Variants in PTHLH observed in about 807,000 individuals in gnomAD.
The protein encoded by PTHLH is parathyroid hormone like hormone.
Under a neutral mutation model 18.6 loss-of-function variants are expected in PTHLH, and 5 were observed. The observed-to-expected ratio is 0.27, with a 90% CI of 0.14 to 0.56. The LOEUF is 0.56. Ranked by LOEUF, PTHLH falls within the 20% of genes least tolerant of loss-of-function variation. The pLI, the probability that PTHLH is intolerant of heterozygous loss-of-function variation, is 0.92. For synonymous variants in PTHLH, 90 were observed against 94.0 expected (o/e 0.96, Z 0.25); for missense variants, 207 against 223.9 (o/e 0.92, Z 0.48).
intron 5 of PTHLH, among the ~76,000 whole-genome samples, chr12:27,959,888 G>T (rs920464930): frequency 6.6e-6 from 1 of 152,132 alleles, no homozygotes; most frequent in Non-Finnish European, 1.5e-5. Context: ...TCAATAATCT[G>T]CATTCTTTAC....
intron 5 of PTHLH, 104 bp downstream of exon 5, chr12:27,963,244 T>G: frequency 6.3e-7 from 1 of 1,583,546 alleles, no homozygotes; most frequent in Non-Finnish European, 8.6e-7. Flanking sequence ...TAGAGATACA[T>G]AAAGGGAGAA....
intron 4 of PTHLH, 149 bp from the exon 5 acceptor site, chr12:27,963,919 G>T: frequency 2.6e-6 from 2 of 780,734 alleles, no homozygotes; most frequent in Non-Finnish European, 4.1e-6. Flanking sequence ...GCGCAGGGAA[G>T]GGTAACCAGT....
chr12:27,961,933 G>A, intron 5 of PTHLH: 1 of 726,324 alleles, frequency 1.4e-6, no homozygotes, highest in Non-Finnish European at 2.5e-6. Context: ...GAGATCATTA[G>A]TTGCATATGA....
At chr12:27,963,188 G>A (rs1414937348) in intron 5 of PTHLH, 160 bp downstream of exon 5, 4 of 1,517,084 alleles carry the variant, frequency 2.6e-6, no homozygotes, top group Non-Finnish European at 3.5e-6. Context: ...CTGCTTTAAG[G>A]CAGACAATAT....
chr12:27,960,717 C>CAAA (rs146277675), intron 5 of PTHLH, among the ~76,000 whole-genome samples: 16 of 96,108 alleles, frequency 1.7e-4, no homozygotes, highest in Middle Eastern at 6.3e-3. Context: ...GACTCTGTCT[C>CAAA]AAAAAAAAAA....
intron 5 of PTHLH, among the ~76,000 whole-genome samples, chr12:27,960,462 A>G (rs1385784349): frequency 6.6e-6 from 1 of 152,148 alleles, no homozygotes; most frequent in South Asian, 2.1e-4. Context: ...GTGGTGGTTC[A>G]TGCCTGTAAT....
chr12:27,958,259 T>C lies in PTHLH; in HGVS notation c.*300A>G, dbSNP rs2062727742. ...TTTATCAACATACTTGATATGTATA[T>C]CTAAAGTGCATTATGTTACAAAAAA... On this transcript the variant is annotated 3_prime_UTR_variant, in exon 6 of 6. Transcript: ENST00000545234. The C allele has an allele frequency of 4.1e-6, 1 of 245,836 alleles. No homozygotes were observed. Among genetic ancestry groups the C allele is most frequent in the African/African-American group, 2.2e-5 (1 of 44,780 alleles). 15.2% of individuals were successfully genotyped at this position (245,836 alleles called of 1,614,324 possible).
chr12:27,963,502 T>C lies in PTHLH; in HGVS notation c.370A>G (p.Lys124Glu). 6.2e-7 allele frequency: 1 copy of C among 1,614,220 alleles called. No homozygotes were observed. The highest frequency in any genetic ancestry group is 8.5e-7 in the Non-Finnish European group (1 of 1,180,040). The stretch of plus-strand genomic sequence containing the variant: ...TTCCCGGGCTTGCCTTTCTTTTTCT[T>C]CCCAGGTGTCTTGAGCGGCTGCTCT... The part of the protein sequence containing the change: ...YKEQPLKTPG[K>E]KKKGKPGKRK... The change falls in exon 5 of 6, where the codon AAG (lysine) becomes GAG (glutamate). Residue 124 changes from lysine to glutamate, a missense_variant. Physicochemically the swap from Lys to Glu is moderately conservative, Grantham distance 56. Transcript: ENST00000545234.
At chr12:27,963,854 T>C (rs2062784607) in intron 4 of PTHLH, 84 bp from the exon 5 acceptor site, 7 of 1,383,180 alleles carry the variant, frequency 5.1e-6, no homozygotes, top group Non-Finnish European at 7.0e-6. Context: ...TAAATCTCTT[T>C]AGTTTTCTAG....
chr12:27,970,165 G>T lies in PTHLH; in HGVS notation c.-163C>A, dbSNP rs949640806. The T allele has an allele frequency of 3.1e-5, 16 of 516,790 alleles. No homozygotes were observed. Among genetic ancestry groups the T allele is most frequent in the Admixed American group, 2.7e-4 (14 of 51,516 alleles). The allele number at this position is 516,790 out of a possible 1,614,324, so 32.0% of individuals were successfully genotyped here. A position where few individuals can be genotyped will look rare whatever the true frequency, so the allele number is the denominator to read the frequency against. On this transcript the variant is annotated 5_prime_UTR_variant, in exon 3 of 6. Transcript: ENST00000545234. ...GTGGCAGCCGGAGCGGCAGGGAGGC[G>T]GCAGCCCCGCTTCACGGGCGGGGAG...
chr12:27,970,371 G>T (rs1194313809), intron 2 of PTHLH, 104 bp from the exon 3 acceptor site: 2 of 148,072 alleles, frequency 1.4e-5, no homozygotes, highest in South Asian at 1.8e-4. Context: ...GGGGGGCGGG[G>T]GCGGCGACGG....
In PTHLH at chr12:27,969,468, C is replaced by A; in HGVS notation, c.27G>T (p.Trp9Cys). 6.3e-7 allele frequency: 1 copy of A among 1,590,306 alleles called. No individual in the cohort carries two copies. Among genetic ancestry groups the A allele is most frequent in the East Asian group, 2.3e-5 (1 of 43,588 alleles). The change falls in exon 4 of 6, where the codon TGG becomes TGT. Residue 9 changes from tryptophan (W) to cysteine (C), a missense_variant. Trp to Cys is a radical substitution (Grantham distance 215). Coordinates refer to ENST00000545234, the MANE Select transcript of PTHLH (RefSeq NM_198965.2). MQRRLVQQ[W>C]SVAVFLLSYA... is the part of the protein sequence containing the mutation. ...AGCTCAGCAGGAACACCGCGACGCT[C>A]CACTGCTGAACCAGTCTCCGCTGCA...
intron 4 of PTHLH, among the ~76,000 whole-genome samples, chr12:27,968,954 C>T (rs1565524777): frequency 6.6e-6 from 1 of 152,136 alleles, no homozygotes; most frequent in Non-Finnish European, 1.5e-5. Flanking sequence ...AGATGTACGG[C>T]TTTTGCTTTT....
intron 5 of PTHLH, among the ~76,000 whole-genome samples, chr12:27,958,824 C>T (rs1036980661): frequency 1.3e-5 from 2 of 152,196 alleles, no homozygotes; most frequent in South Asian, 2.1e-4. Context: ...CGTTTCCAAT[C>T]ATGCTGTCAG....
At chr12:27,969,370 C>G (rs1424960982) in intron 4 of PTHLH, 24 bp downstream of exon 4, 1 of 1,552,764 alleles carries the variant, frequency 6.4e-7, no homozygotes, top group Non-Finnish European at 8.7e-7. Context: ...CAACCCGGCG[C>G]CCTGGGGAGG....
At chr12:27,961,320 T>TACGTGTATATATATATATAC (rs2062757653) in intron 5 of PTHLH, among the ~76,000 whole-genome samples, 1 of 100,884 alleles carries the variant, frequency 9.9e-6, no homozygotes, top group Non-Finnish European at 2.1e-5. Flanking sequence ...TATATATATA[T>TACGTGTATATATATATATAC]ACGTATATAT....
chr12:27,968,902 C>G (rs1263511742), intron 4 of PTHLH, among the ~76,000 whole-genome samples: 1 of 152,110 alleles, frequency 6.6e-6, no homozygotes. Flanking sequence ...GTAATGTGTT[C>G]CTATTTTATA....
intron 4 of PTHLH, among the ~76,000 whole-genome samples, chr12:27,967,733 G>C (rs1026204697): frequency 2.6e-5 from 4 of 152,200 alleles, no homozygotes; most frequent in African/African-American, 4.8e-5. Context: ...TGCTGAGTGT[G>C]AGTGTTTAAC....
At chr12:27,972,079 T>G (rs1254608767) in intron 1 of PTHLH, 60 bp from the exon 2 acceptor site, 1 of 149,360 alleles carries the variant, frequency 6.7e-6, no homozygotes, top group Non-Finnish European at 1.5e-5. Flanking sequence ...ATTTAATACT[T>G]GCAAGTTGTT....
Sources: allele counts gnomAD v4.1 joint callset (sites outside exome capture counted in the v4.1 genomes callset), GRCh38; gene constraint gnomAD v4.1.1; transcripts MANE v1.5; gene names NCBI Gene and HGNC (gene_info 2026-07-23, HGNC 2026-07-21).